The following SMS variants were observed in gnomAD, a reference collection of about 807,000 sequenced individuals.
The protein encoded by SMS is spermine synthase.
Under a neutral mutation model 33.0 loss-of-function variants are expected in SMS, and 3 were observed. The ratio of observed to expected loss-of-function variants is 0.09; its 90% confidence interval spans 0.04 to 0.23. The LOEUF (loss-of-function observed/expected upper bound fraction) is 0.23, where lower values mean the gene tolerates loss of function less well. Ranked by LOEUF, SMS falls within the 10% of genes least tolerant of loss-of-function variation. The pLI is 1.00. For synonymous variants in SMS, 103 were observed against 112.2 expected, an observed-to-expected ratio of 0.92 and a Z score of 0.52; for missense variants, 117 against 288.6, an observed-to-expected ratio of 0.41 and a Z score of 4.31.
Position 21,953,158 on chromosome X carries a change from G to A in SMS, c.49+12285G>A, listed in dbSNP as rs911373215. On this transcript the variant is annotated intron_variant, in intron 1 of 10. Coordinates refer to ENST00000404933, the MANE Select transcript of SMS (RefSeq NM_004595.5). ...TTCGGTGAGTTGTGGTAGTGTAGCC[G>A]GATTGGTAAGGCATCAGAGAGACCA... Among the ~76,000 whole-genome samples the A allele has an allele frequency of 3.6e-5, 4 of 110,404 alleles. No individual in the cohort carries two copies. The East Asian group carries it at 1.1e-3, about 31-fold the overall frequency.
intron 2 of SMS, among the ~76,000 whole-genome samples, chrX:21,969,160 A>G (rs1490990125): frequency 1.8e-5 from 2 of 111,295 alleles, no homozygotes; most frequent in South Asian, 3.8e-4. Context: ...TATTCTCTCT[A>G]TAAGTCTCCA....
chrX:21,940,897 C>T (rs933145902), intron 1 of SMS, 24 bp downstream of exon 1: 95 of 1,034,032 alleles, frequency 9.2e-5, no homozygotes, highest in Non-Finnish European at 1.0e-4. Flanking sequence ...CCGCCACCTG[C>T]GTGGCCATCC....
intron 1 of SMS, among the ~76,000 whole-genome samples, chrX:21,945,374 C>G (rs993210734): frequency 1.8e-5 from 2 of 111,453 alleles, no homozygotes; most frequent in African/African-American, 6.5e-5. Flanking sequence ...ATGATTTGTG[C>G]AGGGACACAA....
rs1206170088 is a variant in SMS at position 21,940,786 on chromosome X, G to A, written c.-39G>A. The stretch of plus-strand genomic sequence containing the variant: ...GCCGCGCGGCCCCCCAGTCTCCCGC[G>A]GCTGCTCCCCCAGGCATGGCACAGG... On this transcript the variant is annotated 5_prime_UTR_variant, in exon 1 of 11. Coordinates refer to ENST00000404933, the MANE Select transcript of SMS (RefSeq NM_004595.5). 15 of 1,074,364 alleles carry A rather than the reference G, an allele frequency of 1.4e-5. No homozygotes were observed. In the East Asian group the frequency reaches 1.9e-4, roughly 14 times the overall value. 88.5% of individuals were successfully genotyped at this position (1,074,364 alleles called of 1,213,427 possible).
rs149315528 is a variant in SMS at position 21,958,477 on chromosome X, A to C, written c.50-8719A>C. Among the ~76,000 whole-genome samples the C allele has an allele frequency of 5.6e-3, 629 of 112,311 alleles. 5 individuals carry two copies. The highest frequency in any genetic ancestry group is 0.019 in the African/African-American group (600 of 30,845). ...TTGAGATATGATTCATATGCTATAT[A>C]ACTCCTTTATCGAACATGTACAATT... On this transcript the variant is annotated intron_variant, in intron 1 of 10. Coordinates refer to ENST00000404933, the MANE Select transcript of SMS (RefSeq NM_004595.5).
intron 2 of SMS, among the ~76,000 whole-genome samples, chrX:21,970,597 C>T (rs1286710265): frequency 9.1e-6 from 1 of 109,948 alleles, no homozygotes; most frequent in African/African-American, 3.3e-5. Context: ...GAGACAGGGT[C>T]TCACTCTGTC....
At chrX:21,982,861 G>A (rs1336832959) in intron 7 of SMS, among the ~76,000 whole-genome samples, 1 of 111,949 alleles carries the variant, frequency 8.9e-6, no homozygotes, top group African/African-American at 3.2e-5. Context: ...TGAAAGCAAC[G>A]GTGGTGTTAG....
chrX:21,979,360 CT>C (rs1234818874), intron 7 of SMS, among the ~76,000 whole-genome samples: 2 of 108,925 alleles, frequency 1.8e-5, no homozygotes, highest in Non-Finnish European at 3.8e-5. Flanking sequence ...CCCTAGCCCC[CT>C]ACCCCCGATC....
chrX:21,980,558 A>G, intron 7 of SMS, among the ~76,000 whole-genome samples: 1 of 108,047 alleles, frequency 9.3e-6, no homozygotes, highest in East Asian at 2.9e-4. Flanking sequence ...AACTACCTGA[A>G]CGTTAATAGA....
intron 9 of SMS, among the ~76,000 whole-genome samples, chrX:21,987,613 G>A (rs1346520198): frequency 2.7e-5 from 3 of 112,797 alleles, no homozygotes; most frequent in Non-Finnish European, 5.6e-5. Flanking sequence ...ATGAGTGACC[G>A]TGCCCAGGCA....
At chrX:21,981,379 G>T (rs1048474572) in intron 7 of SMS, among the ~76,000 whole-genome samples, 1 of 111,351 alleles carries the variant, frequency 9.0e-6, no homozygotes, top group Non-Finnish European at 1.9e-5. Context: ...CCCAAGGAGG[G>T]GGGAGGGGTT....
intron 7 of SMS, among the ~76,000 whole-genome samples, chrX:21,984,084 T>C (rs1022295007): frequency 3.6e-5 from 4 of 111,596 alleles, no homozygotes; most frequent in African/African-American, 1.3e-4. Flanking sequence ...GATTGTTGTT[T>C]TATTGAAATG....
At chrX:21,978,148 G>T in intron 6 of SMS, 34 bp downstream of exon 6, 1 of 1,172,703 alleles carries the variant, frequency 8.5e-7, no homozygotes, top group South Asian at 1.8e-5. Context: ...CAAGTTCAGT[G>T]GGCTTCTTTT....
chrX:21,955,110 A>G (rs896773935), intron 1 of SMS, among the ~76,000 whole-genome samples: 1 of 111,999 alleles, frequency 8.9e-6, no homozygotes, highest in African/African-American at 3.2e-5. Flanking sequence ...TGCTGTGACT[A>G]CAGGCGTGAG....
At chrX:21,942,694 G>C (rs757685048) in intron 1 of SMS, among the ~76,000 whole-genome samples, 1 of 111,036 alleles carries the variant, frequency 9.0e-6, no homozygotes, top group East Asian at 2.8e-4. Flanking sequence ...GAAAGCTCTA[G>C]CATACTGAAT....
chrX:21,950,433 CTTTTTT>C (rs55704293), intron 1 of SMS, among the ~76,000 whole-genome samples: 2 of 76,814 alleles, frequency 2.6e-5, no homozygotes, highest in South Asian at 6.5e-4. Context: ...TATGACAGGA[CTTTTTT>C]TTTTTTTTTT....
At chrX:21,980,772 G>T (rs893670428) in intron 7 of SMS, among the ~76,000 whole-genome samples, 1 of 111,041 alleles carries the variant, frequency 9.0e-6, no homozygotes. Context: ...GGAAACTTAC[G>T]TAGGAAATTA....
intron 1 of SMS, among the ~76,000 whole-genome samples, chrX:21,953,888 T>TG (rs1922788539): frequency 3.7e-5 from 2 of 54,538 alleles, no homozygotes; most frequent in South Asian, 1.8e-3. Flanking sequence ...TCAATTTTAT[T>TG]GATTTTTTTT....
intron 1 of SMS, among the ~76,000 whole-genome samples, chrX:21,950,908 G>A (rs773658221): frequency 3.3e-3 from 371 of 111,936 alleles, no homozygotes; most frequent in African/African-American, 0.012. Flanking sequence ...GTAAACATAC[G>A]TATGCATGTG....
Sources: gnomAD v4.1 joint callset for allele counts (sites outside exome capture counted in the v4.1 genomes callset) on GRCh38, gnomAD v4.1.1 for gene constraint, MANE v1.5 for transcripts, NCBI Gene and HGNC (gene_info 2026-07-23, HGNC 2026-07-21) for gene names.